The following ZFP90 variants were observed in gnomAD, a reference collection of about 807,000 sequenced individuals.
ZFP90 encodes zinc finger protein 90 homolog.
ZFP90 carries 38 observed loss-of-function variants against 60.8 expected under a neutral mutation model. That is an observed-to-expected ratio of 0.62 (90% CI 0.48 to 0.82). ZFP90 has a LOEUF of 0.82. ZFP90 is among the 40% of genes least tolerant of loss of function. The probability of loss-of-function intolerance (pLI) is 0.00; values close to 1 mark genes in which losing one functional copy is unlikely to be tolerated. For synonymous variants in ZFP90, 287 were observed against 264.8 expected (o/e 1.08, Z -0.82); for missense variants, 711 against 759.1 (o/e 0.94, Z 0.74).
At chr16:68,537,141 T>C (rs1022503298), upstream of ZFP90, among the ~76,000 whole-genome samples, 7 of 152,078 alleles carry the variant, frequency 4.6e-5, no homozygotes, top group African/African-American at 1.7e-4. Flanking sequence ...CTTTTTTTTT[T>C]TTGAGACAGA....
downstream of ZFP90, among the ~76,000 whole-genome samples, chr16:68,568,678 G>A (rs905274928): frequency 6.6e-6 from 1 of 152,138 alleles, no homozygotes; most frequent in Admixed American, 6.5e-5. Context: ...TTAACAATAA[G>A]TCATGGCATA....
Position 68,564,768 on chromosome 16 carries a change from T to TA in ZFP90, c.*71dup. 1.3e-6 allele frequency: 2 copies of TA among 1,512,876 alleles called. No homozygotes were observed. Among genetic ancestry groups the TA allele is most frequent in the Non-Finnish European group, 1.8e-6 (2 of 1,136,762 alleles). The allele number at this position is 1,512,876 out of a possible 1,614,324, so 93.7% of individuals were successfully genotyped here. A position where few individuals can be genotyped will look rare whatever the true frequency, so the allele number is the denominator to read the frequency against. ...TTCTGATTCAGGATCAGAGGATTCT[T>TA]AGAGAGCTTGGGAATGTAATGAATT... is the stretch of plus-strand genomic sequence containing the variant. On this transcript the variant is annotated 3_prime_UTR_variant, in exon 5 of 5. Transcript: ENST00000563169.
At chr16:68,548,474 CT>C (rs551779570) in intron 2 of ZFP90, among the ~76,000 whole-genome samples, 15 of 81,082 alleles carry the variant, frequency 1.8e-4, no homozygotes, top group African/African-American at 2.6e-4. Flanking sequence ...GTTTATCCTC[CT>C]TTTTTTTTTT....
At chr16:68,576,010 C>G (rs2091592458) in exon 3 of ZFP90, 1 of 381,258 alleles carries the variant, frequency 2.6e-6, no homozygotes, top group South Asian at 1.5e-4. Flanking sequence ...AGCAAATGTT[C>G]CCCTTGCAGC....
chr16:68,564,362 T>C lies in ZFP90; in HGVS notation c.1575T>C (p.Tyr525=), dbSNP rs1480382055. ...HHRIHTGEKP[Y]ECNECGEAFS... The stretch of plus-strand genomic sequence containing the variant: ...GAATTCATACTGGAGAGAAACCCTA[T>C]GAATGTAATGAGTGTGGAGAAGCCT... The change falls in exon 5 of 5, where the codon TAT becomes TAC. Residue 525 remains tyrosine (Y), a synonymous_variant. Coordinates refer to ENST00000563169, the MANE Select transcript of ZFP90 (RefSeq NM_001305203.2). 1 of 1,614,088 alleles carries C rather than the reference T, an allele frequency of 6.2e-7. No homozygotes were observed. The highest frequency in any genetic ancestry group is 1.7e-5 in the Admixed American group (1 of 60,012).
At chr16:68,548,053 C>A (rs1472626592) in intron 2 of ZFP90, among the ~76,000 whole-genome samples, 3 of 152,090 alleles carry the variant, frequency 2.0e-5, no homozygotes, top group Non-Finnish European at 2.9e-5. Context: ...TCTCGAACTT[C>A]TGACCTCAAG....
At chr16:68,541,281 G>A (rs559265217) in intron 2 of ZFP90, among the ~76,000 whole-genome samples, 10 of 151,398 alleles carry the variant, frequency 6.6e-5, no homozygotes, top group Admixed American at 2.6e-4. Flanking sequence ...CAATTGATCC[G>A]CCCACGTTGG....
Position 68,566,446 on chromosome 16 carries a change from T to C in ZFP90, c.*1748T>C. The C allele has an allele frequency of 1.0e-6, 1 of 985,540 alleles. No individual in the cohort carries two copies. Among genetic ancestry groups the C allele is most frequent in the Non-Finnish European group, 1.2e-6 (1 of 829,924 alleles). 61.0% of individuals were successfully genotyped at this position (985,540 alleles called of 1,614,324 possible). Reference sequence around the variant, plus strand: ...TTGCATGCCACATAGCAGGATTCATTGCCTTTCTCTCATCATGGATGGCAT... The same window carrying C: ...TTGCATGCCACATAGCAGGATTCATCGCCTTTCTCTCATCATGGATGGCAT... On this transcript the variant is annotated 3_prime_UTR_variant, in exon 5 of 5. Transcript: ENST00000563169.
intron 2 of ZFP90, among the ~76,000 whole-genome samples, chr16:68,551,743 G>A (rs113648130): frequency 9.0e-4 from 136 of 150,952 alleles, no homozygotes; most frequent in Non-Finnish European, 1.4e-3. Context: ...AACTTTGTTC[G>A]TTGCTTTTTG....
chr16:68,571,487 T>C (rs1203131146), downstream of ZFP90, among the ~76,000 whole-genome samples: 1 of 152,226 alleles, frequency 6.6e-6, no homozygotes, highest in Non-Finnish European at 1.5e-5. Context: ...CTTTTTCTTA[T>C]CTGATTCCTC....
In ZFP90 at chr16:68,566,330, C is replaced by T. The variant is rs916273025; in HGVS notation, c.*1632C>T. ...GATTCCTTTTACACAAGAGCTGCCT[C>T]CCAAAGATAGATAAATTTTCCCAGC... On this transcript the variant is annotated 3_prime_UTR_variant, in exon 5 of 5. Transcript: ENST00000563169. 2.0e-6 allele frequency: 2 copies of T among 985,324 alleles called. No homozygotes were observed. Among genetic ancestry groups the T allele is most frequent in the African/African-American group, 3.5e-5 (2 of 57,154 alleles). The allele number at this position is 985,324 out of a possible 1,614,324, so 61.0% of individuals were successfully genotyped here. A position where few individuals can be genotyped will look rare whatever the true frequency, so the allele number is the denominator to read the frequency against.
rs116659456 is a variant in ZFP90, at chr16:68,558,519, A to G, written c.207A>G (p.Gly69=). The change falls in exon 4 of 5, where the codon GGA becomes GGG. Residue 69 remains glycine, a synonymous_variant. Transcript: ENST00000563169. ...KPEVIFKLEQ[G]EEPWISEGEI... ...AGGTGATCTTCAAATTGGAGCAAGG[A>G]GAAGAGCCATGGATATCAGAGGGAG... 1.9e-6 allele frequency: 3 copies of G among 1,614,078 alleles called. No individual in the cohort carries two copies. The African/African-American group carries it at 4.0e-5, about 22-fold the overall frequency.
Position 68,564,557 on chromosome 16 carries a change from C to G in ZFP90, c.1770C>G (p.Phe590Leu). Reference protein sequence around the residue: ...PYECNECGRAFRKKTNLHDHQ... With the variant: ...PYECNECGRALRKKTNLHDHQ... ...AATGTAATGAATGTGGGAGAGCCTTCCGAAAAAAAACCAACCTGCATGATC... is the reference window on the plus strand; with the variant it reads ...AATGTAATGAATGTGGGAGAGCCTTGCGAAAAAAAACCAACCTGCATGATC... The change falls in exon 5 of 5, where the codon TTC becomes TTG. Residue 590 changes from phenylalanine (F) to leucine (L), a missense_variant. Physicochemically the swap from Phe to Leu is conservative, Grantham distance 22. This residue lies in a region of ZFP90 where 295 missense variants were observed against 274.0 expected (regional missense o/e 1.08). Coordinates refer to ENST00000563169, the MANE Select transcript of ZFP90 (RefSeq NM_001305203.2). The G allele has an allele frequency of 6.2e-7, 1 of 1,613,362 alleles. No homozygotes were observed. Among genetic ancestry groups the G allele is most frequent in the Non-Finnish European group, 8.5e-7 (1 of 1,179,774 alleles).
At chr16:68,553,552 T>G (rs2091293939) in intron 2 of ZFP90, among the ~76,000 whole-genome samples, 1 of 152,162 alleles carries the variant, frequency 6.6e-6, no homozygotes, top group Non-Finnish European at 1.5e-5. Context: ...ACTTTGACTT[T>G]ACTTGAAATG....
At chr16:68,574,694 C>G (rs1213880540) in intron 2 of ZFP90, among the ~76,000 whole-genome samples, 3 of 151,968 alleles carry the variant, frequency 2.0e-5, no homozygotes, top group Non-Finnish European at 2.9e-5. Context: ...GAGGCTGAGT[C>G]AGGCAGATTC....
downstream of ZFP90, among the ~76,000 whole-genome samples, chr16:68,569,068 C>A (rs1329930428): frequency 3.3e-5 from 5 of 151,564 alleles, no homozygotes; most frequent in African/African-American, 1.2e-4. Context: ...CCTAGAGCTG[C>A]CTATTCCACT....
chr16:68,568,272 T>C (rs150858689), downstream of ZFP90, among the ~76,000 whole-genome samples: 75 of 152,318 alleles, frequency 4.9e-4, no homozygotes, highest in Middle Eastern at 6.8e-3. Context: ...AGTGAGCAAT[T>C]GAGTGGAGAT....
Position 68,566,038 on chromosome 16 carries a change from G to T in ZFP90, c.*1340G>T, listed in dbSNP as rs894798438. 3 of 868,774 alleles carry T rather than the reference G, an allele frequency of 3.5e-6. No individual in the cohort carries two copies. The highest frequency in any genetic ancestry group is 4.1e-6 in the Non-Finnish European group (3 of 723,702). The allele number at this position is 868,774 out of a possible 1,614,324, so 53.8% of individuals were successfully genotyped here. A position where few individuals can be genotyped will look rare whatever the true frequency, so the allele number is the denominator to read the frequency against. On this transcript the variant is annotated 3_prime_UTR_variant, in exon 5 of 5. Coordinates refer to ENST00000563169, the MANE Select transcript of ZFP90 (RefSeq NM_001305203.2). ...AGTCCCAGCTACTCAGGAGGCTGAG[G>T]TGGGAGGATCACTGGAACCCGGGAG...
upstream of ZFP90, among the ~76,000 whole-genome samples, chr16:68,537,932 G>A (rs2152050087): frequency 1.3e-5 from 2 of 148,962 alleles, no homozygotes; most frequent in South Asian, 4.3e-4. Context: ...TTTTTTTTGA[G>A]ATGGAGTTTT....
Sources: allele counts gnomAD v4.1 joint callset (sites outside exome capture counted in the v4.1 genomes callset), GRCh38; gene constraint gnomAD v4.1.1; regional missense constraint gnomAD v4.1.1; transcripts MANE v1.5; gene names NCBI Gene and HGNC (gene_info 2026-07-23, HGNC 2026-07-21).